The following MAP1B variants were observed in gnomAD, a reference collection of about 807,000 sequenced individuals.
The protein encoded by MAP1B is microtubule associated protein 1B, also known as microtubule-associated protein 1B.
Under a neutral mutation model 176.1 loss-of-function variants are expected in MAP1B, and 12 were observed. The ratio of observed to expected loss-of-function variants is 0.07; its 90% CI spans 0.04 to 0.11. The LOEUF (loss-of-function observed/expected upper bound fraction) is 0.11. Ranked by LOEUF, MAP1B falls within the 10% of genes least tolerant of loss-of-function variation. The pLI is 1.00. For synonymous variants in MAP1B, 1,044 were observed against 1,135.0 expected, an observed-to-expected ratio of 0.92 and a Z score of 1.61; for missense variants, 2,523 against 2,990.5, an observed-to-expected ratio of 0.84 and a Z score of 3.65.
At chr5:72,155,766 C>CTTTT (rs11330287) in intron 2 of MAP1B, among the ~76,000 whole-genome samples, 22 of 126,554 alleles carry the variant, frequency 1.7e-4, no homozygotes, top group Admixed American at 5.0e-4. Context: ...ATTTTCTTTT[C>CTTTT]TTTTTTTTTT....
chr5:72,118,532 G>T (rs1322970139), intron 2 of MAP1B, among the ~76,000 whole-genome samples: 2 of 152,086 alleles, frequency 1.3e-5, no homozygotes, highest in Non-Finnish European at 2.9e-5. Flanking sequence ...AGAGGAGAAG[G>T]CATTTAACAA....
chr5:72,202,720 T>TA (rs1747358130), intron 5 of MAP1B, among the ~76,000 whole-genome samples: 1 of 152,242 alleles, frequency 6.6e-6, no homozygotes, highest in African/African-American at 2.4e-5. Flanking sequence ...TCTGATTATA[T>TA]AGTCAGGCTG....
chr5:72,190,914 T>A (rs1015857310), intron 4 of MAP1B, among the ~76,000 whole-genome samples: 6 of 152,378 alleles, frequency 3.9e-5, no homozygotes, highest in Non-Finnish European at 7.3e-5. Flanking sequence ...GTTTCATTAA[T>A]CTCATCTGCA....
intron 2 of MAP1B, among the ~76,000 whole-genome samples, chr5:72,146,791 G>A (rs939742483): frequency 6.6e-6 from 1 of 152,124 alleles, no homozygotes. Flanking sequence ...GAACCTTATA[G>A]GCTTGAGGCA....
intron 1 of MAP1B, among the ~76,000 whole-genome samples, chr5:72,108,667 A>T (rs1011535769): frequency 6.6e-6 from 1 of 151,722 alleles, no homozygotes; most frequent in Admixed American, 6.6e-5. Context: ...GTGCCTCCGG[A>T]CCGCCCGCCA....
rs758577054 is a variant in MAP1B at position 72,205,280 on chromosome 5, C to T, written c.*41C>T. 8 of 1,565,468 alleles carry T rather than the reference C, an allele frequency of 5.1e-6. No individual in the cohort carries two copies. In the South Asian group the frequency reaches 8.4e-5, roughly 16 times the overall value. On this transcript the variant is annotated 3_prime_UTR_variant, in exon 7 of 7. Transcript: ENST00000296755. Reference sequence around the variant, plus strand: ...ACACCACAGGATCTGAACTTTGTTTCCAGAAATTCTTCAATTTGAAATCAC... The same window carrying T: ...ACACCACAGGATCTGAACTTTGTTTTCAGAAATTCTTCAATTTGAAATCAC...
chr5:72,208,956 G>C lies in MAP1B; in HGVS notation c.*3717G>C, dbSNP rs1206722785. 1.3e-5 allele frequency: 2 copies of C among 152,062 alleles called. No individual in the cohort carries two copies. The highest frequency in any genetic ancestry group is 2.9e-5 in the Non-Finnish European group (2 of 68,020). 9.4% of individuals were successfully genotyped at this position (152,062 alleles called of 1,614,324 possible). ...TGTTTCCATTTGAAAGGAACTGTAA[G>C]CTTTTATCTTTTAACCAACTGAACA... is the stretch of plus-strand genomic sequence containing the variant. On this transcript the variant is annotated 3_prime_UTR_variant, in exon 7 of 7. Transcript: ENST00000296755.
At chr5:72,191,374 ATCC>A (rs1048429642) in intron 4 of MAP1B, among the ~76,000 whole-genome samples, 12 of 152,330 alleles carry the variant, frequency 7.9e-5, no homozygotes, top group Admixed American at 7.8e-4. Context: ...ACATTGTTGG[ATCC>A]TCCTTATGGT....
chr5:72,110,843 T>C (rs12655953), intron 1 of MAP1B, among the ~76,000 whole-genome samples: 25,571 of 152,110 alleles, frequency 0.17, 2,798 homozygotes, highest in Non-Finnish European at 0.23. Context: ...AGAGACATGG[T>C]GGTAATGCAG....
intron 1 of MAP1B, among the ~76,000 whole-genome samples, chr5:72,110,140 C>T (rs1255797841): frequency 6.6e-6 from 1 of 152,158 alleles, no homozygotes; most frequent in East Asian, 1.9e-4. Flanking sequence ...AGCAGCTCAA[C>T]GAATTTTCAC....
chr5:72,163,930 CTTTTTTTTTTTT>C lies in MAP1B; in HGVS notation c.287-19803_287-19792del, dbSNP rs869167918. On this transcript the variant is annotated intron_variant, in intron 2 of 6. Coordinates refer to ENST00000296755, the MANE Select transcript of MAP1B (RefSeq NM_005909.5). ...TCTCTCTCTCTCTTTTTTTTTTTTT[CTTTTTTTTTTTT>C]TTTTTTTTTGAGACAGGGTCTTGCT... 3.2e-3 allele frequency among the ~76,000 whole-genome samples: 140 copies of C among 43,720 alleles called. 1 individual carries two copies. Among genetic ancestry groups the C allele is most frequent in the Admixed American group, 9.8e-3 (25 of 2,540 alleles). The allele number at this position is 43,720 out of a possible 152,430, so 28.7% of individuals were successfully genotyped here. A position where few individuals can be genotyped will look rare whatever the true frequency, so the allele number is the denominator to read the frequency against.
At chr5:72,124,288 T>A (rs1369338369) in intron 2 of MAP1B, among the ~76,000 whole-genome samples, 1 of 152,088 alleles carries the variant, frequency 6.6e-6, no homozygotes, top group Non-Finnish European at 1.5e-5. Flanking sequence ...AAGTAAGAGG[T>A]ACTCTGGGGA....
intron 2 of MAP1B, among the ~76,000 whole-genome samples, chr5:72,146,594 G>A (rs1165890191): frequency 6.6e-6 from 1 of 152,144 alleles, no homozygotes; most frequent in Non-Finnish European, 1.5e-5. Flanking sequence ...ATGCCACCAC[G>A]AGGAACCTGA....
At chr5:72,183,856 C>A in intron 3 of MAP1B, 31 bp downstream of exon 3, 1 of 1,594,790 alleles carries the variant, frequency 6.3e-7, no homozygotes, top group Non-Finnish European at 8.6e-7. Flanking sequence ...AATCTGGGGC[C>A]GGGCCCCACA....
chr5:72,115,657 C>A, intron 1 of MAP1B, 41 bp from the exon 2 acceptor site: 2 of 1,093,804 alleles, frequency 1.8e-6, no homozygotes, highest in Non-Finnish European at 2.8e-6. Context: ...TCTGAAATGA[C>A]TAACTGGAAG....
chr5:72,155,646 T>C (rs936394484), intron 2 of MAP1B, among the ~76,000 whole-genome samples: 20 of 152,206 alleles, frequency 1.3e-4, no homozygotes, highest in African/African-American at 4.3e-4. Context: ...GTAGGGGCTG[T>C]TTTTGAAATA....
At chr5:72,135,753 A>T (rs1287409940) in intron 2 of MAP1B, among the ~76,000 whole-genome samples, 2 of 152,200 alleles carry the variant, frequency 1.3e-5, no homozygotes, top group African/African-American at 4.8e-5. Flanking sequence ...TTGTGAGGTG[A>T]TAATTTTCCA....
At chr5:72,164,212 T>G (rs983138926) in intron 2 of MAP1B, among the ~76,000 whole-genome samples, 2 of 152,120 alleles carry the variant, frequency 1.3e-5, no homozygotes, top group African/African-American at 4.8e-5. Flanking sequence ...ATTACAGGCA[T>G]GAGCTGCCAC....
At chr5:72,134,345 G>T (rs558922520) in intron 2 of MAP1B, among the ~76,000 whole-genome samples, 1 of 152,278 alleles carries the variant, frequency 6.6e-6, no homozygotes, top group African/African-American at 2.4e-5. Context: ...GGAGGGCCCA[G>T]TGAGAAGGGC....
Sources: gnomAD v4.1 joint callset for allele counts (sites outside exome capture counted in the v4.1 genomes callset) on GRCh38, gnomAD v4.1.1 for gene constraint, MANE v1.5 for transcripts, NCBI Gene and HGNC (gene_info 2026-07-23, HGNC 2026-07-21) for gene names.